Variants in CCDC171 observed in about 807,000 individuals in gnomAD.
CCDC171 encodes coiled-coil domain containing 171.
Under a neutral mutation model 168.2 loss-of-function variants are expected in CCDC171, and 177 were observed. The observed-to-expected ratio is 1.05, with a 90% confidence interval of 0.93 to 1.19. The LOEUF is 1.19. Among genes scored for constraint, CCDC171 ranks in the 50% most tolerant of loss-of-function variants. The pLI, the probability that CCDC171 is intolerant of heterozygous loss-of-function variation, is 0.00. For missense variants in CCDC171, 1,991 were observed against 1,539.0 expected (o/e 1.29, Z -4.91); for synonymous variants, 687 against 540.8 (o/e 1.27, Z -3.75).
intron 21 of CCDC171, among the ~76,000 whole-genome samples, chr9:15,796,833 A>G (rs762846634): frequency 5.9e-5 from 9 of 152,220 alleles, no homozygotes; most frequent in African/African-American, 1.2e-4. Context: ...CCTACAGCCT[A>G]CAGGAGAGCC....
intron 1 of CCDC171, among the ~76,000 whole-genome samples, chr9:15,562,077 C>T (rs991905081): frequency 6.6e-6 from 1 of 152,036 alleles, no homozygotes; most frequent in Non-Finnish European, 1.5e-5. Flanking sequence ...TCACTGCAGT[C>T]TCCACCTCCT....
chr9:15,623,179 T>G (rs1587486857), intron 6 of CCDC171, 88 bp from the exon 7 acceptor site: 1 of 872,562 alleles, frequency 1.1e-6, no homozygotes, highest in Non-Finnish European at 1.7e-6. Context: ...GAAGCACAGA[T>G]TTAGTTACTC....
intron 21 of CCDC171, among the ~76,000 whole-genome samples, chr9:15,794,763 G>A (rs2058465972): frequency 6.6e-6 from 1 of 152,178 alleles, no homozygotes; most frequent in African/African-American, 2.4e-5. Flanking sequence ...TGACCCTTGG[G>A]TTATGTTTTA....
At chr9:15,993,939 AG>A (rs1053615434) in intron 3 of CCDC171, among the ~76,000 whole-genome samples, 1 of 152,218 alleles carries the variant, frequency 6.6e-6, no homozygotes, top group African/African-American at 2.4e-5. Context: ...AGGAAATAAC[AG>A]GTGATGGATA....
At chr9:16,099,987 G>C in the CCDC171 span, among the ~76,000 whole-genome samples, 1 of 149,488 alleles carries the variant, frequency 6.7e-6, no homozygotes. Flanking sequence ...ACGCTGTATG[G>C]AGATAGCTTT....
rs370175532 is a variant in CCDC171, at chr9:15,779,159, A to G, written c.3081+9A>G. On this transcript the variant is annotated intron_variant, in intron 20 of 25. Transcript: ENST00000380701. ...ATGAATTTAAGCAGTCTGTAAGTAT[A>G]TATCATTTAGGAAACTGTTGCTTTG... The G allele has an allele frequency of 2.2e-5, 33 of 1,472,252 alleles. No individual in the cohort carries two copies. The African/African-American group carries it at 3.6e-4, about 16-fold the overall frequency. 91.2% of individuals were successfully genotyped at this position (1,472,252 alleles called of 1,614,324 possible).
At chr9:15,633,237 C>A (rs1455388823) in intron 7 of CCDC171, among the ~76,000 whole-genome samples, 1 of 152,114 alleles carries the variant, frequency 6.6e-6, no homozygotes, top group Non-Finnish European at 1.5e-5. Flanking sequence ...GAACAGGCAA[C>A]CTACACAATG....
intron 10 of CCDC171, among the ~76,000 whole-genome samples, chr9:15,686,130 C>G (rs1354551059): frequency 1.3e-5 from 2 of 152,072 alleles, no homozygotes; most frequent in African/African-American, 4.8e-5. Flanking sequence ...TTTAATTGAA[C>G]CTTGATATTA....
At chr9:16,041,577 T>C (rs942919784), upstream of CCDC171, among the ~76,000 whole-genome samples, 6 of 152,226 alleles carry the variant, frequency 3.9e-5, no homozygotes, top group African/African-American at 1.4e-4. Context: ...ATAATTTATA[T>C]TTCTGAAATG....
At position 15,596,056 on chromosome 9, in the gene CCDC171, A is replaced by C. The variant is rs527897137; in HGVS notation, c.675+1884A>C. 1.7e-3 allele frequency among the ~76,000 whole-genome samples: 263 copies of C among 152,206 alleles called. 3 individuals carry two copies. The highest frequency in any genetic ancestry group is 5.9e-3 in the African/African-American group (246 of 41,518). ...ATTCTGGATATTAGCCCTTTGTCAGATGAGTAGATTGCAAAAATTTTCTCC... is the reference window on the plus strand; with the variant it reads ...ATTCTGGATATTAGCCCTTTGTCAGCTGAGTAGATTGCAAAAATTTTCTCC... On this transcript the variant is annotated intron_variant, in intron 6 of 25. Transcript: ENST00000380701.
chr9:15,924,594 T>TAAC (rs1018568620), intron 25 of CCDC171, among the ~76,000 whole-genome samples: 6 of 151,644 alleles, frequency 4.0e-5, no homozygotes, highest in African/African-American at 1.5e-4. Context: ...CTTGAGCATG[T>TAAC]AACTCCTCTT....
At chr9:15,901,983 T>A (rs1040077678) in intron 24 of CCDC171, among the ~76,000 whole-genome samples, 2 of 152,178 alleles carry the variant, frequency 1.3e-5, no homozygotes, top group African/African-American at 4.8e-5. Flanking sequence ...TGAACTTGTG[T>A]AAGAATTATG....
At chr9:15,960,292 T>G (rs1190251552) in intron 25 of CCDC171, among the ~76,000 whole-genome samples, 2 of 152,160 alleles carry the variant, frequency 1.3e-5, no homozygotes, top group African/African-American at 2.4e-5. Flanking sequence ...AAACAGGGAA[T>G]TTTTATTTGT....
At chr9:15,887,026 A>T (rs920191175) in intron 24 of CCDC171, among the ~76,000 whole-genome samples, 1 of 152,132 alleles carries the variant, frequency 6.6e-6, no homozygotes, top group East Asian at 1.9e-4. Context: ...TTTGGTCATA[A>T]GATGAATAAT....
intron 6 of CCDC171, among the ~76,000 whole-genome samples, chr9:16,028,648 G>A (rs1276782948): frequency 1.3e-5 from 2 of 152,186 alleles, no homozygotes; most frequent in African/African-American, 4.8e-5. Flanking sequence ...AGCTCCTGGT[G>A]TGGCAGCTCT....
At chr9:15,760,245 G>C (rs1361927204) in intron 18 of CCDC171, among the ~76,000 whole-genome samples, 2 of 152,116 alleles carry the variant, frequency 1.3e-5, no homozygotes, top group Non-Finnish European at 2.9e-5. Context: ...ATGTATGCCA[G>C]TACTAAGCTT....
At chr9:16,059,505 CTTTTTTTTTTT>C in intron 1 of CCDC171, among the ~76,000 whole-genome samples, 1 of 101,434 alleles carries the variant, frequency 9.9e-6, no homozygotes, top group Middle Eastern at 5.5e-3. Context: ...TTTTTTTTTT[CTTTTTTTTTTT>C]TTTTTTTTTG....
Position 15,859,651 on chromosome 9 carries a change from T to C in CCDC171, c.3468+10704T>C, listed in dbSNP as rs553438274. ...CCCCCCGAATCTTTTTGTTTTGTTT[T>C]GTTTTGTTTTGTTTTGTTTTTTTGA... On this transcript the variant is annotated intron_variant, in intron 23 of 25. Coordinates refer to ENST00000380701, the MANE Select transcript of CCDC171 (RefSeq NM_173550.4). 2.8e-5 allele frequency among the ~76,000 whole-genome samples: 4 copies of C among 143,044 alleles called. 1 individual carries two copies. In the East Asian group the frequency reaches 9.3e-4, roughly 33 times the overall value. The allele number at this position is 143,044 out of a possible 152,430, so 93.8% of individuals were successfully genotyped here. A position where few individuals can be genotyped will look rare whatever the true frequency, so the allele number is the denominator to read the frequency against.
At chr9:16,000,297 T>G (rs1832502375) in intron 3 of CCDC171, among the ~76,000 whole-genome samples, 1 of 152,188 alleles carries the variant, frequency 6.6e-6, no homozygotes, top group African/African-American at 2.4e-5. Flanking sequence ...CTCTATAGAA[T>G]AAGTTTCAAA....
Sources: gnomAD v4.1 joint callset for allele counts (sites outside exome capture counted in the v4.1 genomes callset) on GRCh38, gnomAD v4.1.1 for gene constraint, MANE v1.5 for transcripts, NCBI Gene and HGNC (gene_info 2026-07-23, HGNC 2026-07-21) for gene names.